MYRF: variants seen among roughly 807,000 people sequenced by gnomAD.
MYRF encodes myelin gene regulatory factor.
MYRF carries 16 observed loss-of-function variants against 126.3 expected under a neutral mutation model. The observed-to-expected ratio is 0.13, with a 90% CI of 0.09 to 0.19. The LOEUF (loss-of-function observed/expected upper bound fraction) is 0.19, where lower values mean the gene tolerates loss of function less well. Ranked by LOEUF, MYRF falls within the 10% of genes least tolerant of loss-of-function variation. The pLI is 1.00. For synonymous variants in MYRF, 608 were observed against 635.3 expected (o/e 0.96, Z 0.65); for missense variants, 1,104 against 1,547.0 (o/e 0.71, Z 4.80).
intron 3 of MYRF, chr11:61,767,458 C>A: frequency 2.2e-6 from 1 of 456,368 alleles, no homozygotes. Flanking sequence ...TTGTCCAGAG[C>A]CACACAGGGA....
chr11:61,777,618 C>A lies in MYRF; in HGVS notation c.1792-116C>A. 1 of 1,298,104 alleles carries A rather than the reference C, an allele frequency of 7.7e-7. No homozygotes were observed. The highest frequency in any genetic ancestry group is 1.1e-6 in the Non-Finnish European group (1 of 934,240). 80.4% of individuals were successfully genotyped at this position (1,298,104 alleles called of 1,614,324 possible). ...GCCTCGAATCCCGATCTAACCACTC[C>A]AGTGGTGGGGTCTCCTCTCCACACT... On this transcript the variant is annotated intron_variant, in intron 12 of 26. Transcript: ENST00000278836. The surrounding 1 kb of genome is among the most constrained non-coding windows in gnomAD (Gnocchi z 8.8).
chr11:61,778,496 G>T lies in MYRF; in HGVS notation c.2013+7G>T. 6.2e-7 allele frequency: 1 copy of T among 1,606,350 alleles called. No individual in the cohort carries two copies. The highest frequency in any genetic ancestry group is 8.5e-7 in the Non-Finnish European group (1 of 1,173,056). Reference sequence around the variant, plus strand: ...CTTCCTGGTGGTGAACAAGGTCTGTGGGTGGGGGAATGGGAGGGAGCCCAG... The same window carrying T: ...CTTCCTGGTGGTGAACAAGGTCTGTTGGTGGGGGAATGGGAGGGAGCCCAG... On this transcript the variant is annotated splice_region_variant and intron_variant, in intron 14 of 26. Transcript: ENST00000278836. This position sits in a 1 kb window ranked among gnomAD's most constrained non-coding sequence, Gnocchi z 4.6.
chr11:61,753,719 C>G (rs774361905), intron 1 of MYRF, among the ~76,000 whole-genome samples: 2 of 152,148 alleles, frequency 1.3e-5, no homozygotes, highest in Non-Finnish European at 2.9e-5. Flanking sequence ...CTTCTGCCCC[C>G]ACCCCTACAT....
chr11:61,782,072 C>T (rs1222199546), intron 22 of MYRF: 2 of 473,978 alleles, frequency 4.2e-6, no homozygotes, highest in South Asian at 5.5e-5. Context: ...GGGATGGAGA[C>T]TAAGGTGAAG....
At chr11:61,760,696 G>T (rs986165364) in intron 1 of MYRF, among the ~76,000 whole-genome samples, 1 of 152,172 alleles carries the variant, frequency 6.6e-6, no homozygotes, top group African/African-American at 2.4e-5. Flanking sequence ...CCTGACTGCG[G>T]AATGGCCTCC....
In MYRF at chr11:61,776,014, G is replaced by A; in HGVS notation, c.1312-42G>A. Reference sequence around the variant, plus strand: ...GGGGGCAGGAGGGCAGGACCAGCCGGGTAGCCCCATCCTGAGGTGCCACTG... The same window carrying A: ...GGGGGCAGGAGGGCAGGACCAGCCGAGTAGCCCCATCCTGAGGTGCCACTG... On this transcript the variant is annotated intron_variant, in intron 8 of 26. Coordinates refer to ENST00000278836, the MANE Select transcript of MYRF (RefSeq NM_001127392.3). The surrounding 1 kb of genome is among the most constrained non-coding windows in gnomAD (Gnocchi z 4.3). The A allele has an allele frequency of 1.9e-6, 3 of 1,598,864 alleles. No homozygotes were observed. The highest frequency in any genetic ancestry group is 1.7e-6 in the Non-Finnish European group (2 of 1,166,614).
At chr11:61,775,337 C>T (rs2066346831) in intron 8 of MYRF, among the ~76,000 whole-genome samples, 1 of 152,234 alleles carries the variant, frequency 6.6e-6, no homozygotes, top group Non-Finnish European at 1.5e-5. Context: ...CCCCCGCCCT[C>T]CACCCTGTGG....
intron 3 of MYRF, chr11:61,768,696 A>C (rs555681126): frequency 7.0e-4 from 107 of 152,414 alleles, no homozygotes; most frequent in African/African-American, 2.3e-3. Flanking sequence ...TTGCTGGGTG[A>C]GCACAGGGTT....
At chr11:61,753,374 G>T (rs758083561) in intron 1 of MYRF, among the ~76,000 whole-genome samples, 1 of 151,786 alleles carries the variant, frequency 6.6e-6, no homozygotes, top group African/African-American at 2.4e-5. Context: ...GACCACTTTC[G>T]AGCCTGGATC....
chr11:61,753,353 C>T (rs2065658496), intron 1 of MYRF, among the ~76,000 whole-genome samples: 1 of 152,000 alleles, frequency 6.6e-6, no homozygotes, highest in Non-Finnish European at 1.5e-5. Context: ...ACTGTGCTTC[C>T]ATGAGGGTAG....
intron 5 of MYRF, among the ~76,000 whole-genome samples, chr11:61,771,253 A>T (rs1336444927): frequency 6.6e-6 from 1 of 152,174 alleles, no homozygotes; most frequent in Non-Finnish European, 1.5e-5. Flanking sequence ...CATGATGGAG[A>T]CACCAAGTCA....
In MYRF at chr11:61,774,083, T is replaced by C; in HGVS notation, c.1232T>C (p.Leu411Pro). 1 of 1,613,862 alleles carries C rather than the reference T, an allele frequency of 6.2e-7. No individual in the cohort carries two copies. Among genetic ancestry groups the C allele is most frequent in the Non-Finnish European group, 8.5e-7 (1 of 1,179,974 alleles). The change falls in exon 8 of 27, where the codon CTG becomes CCG. Residue 411 changes from leucine to proline, a missense_variant. This residue lies in a region of MYRF where 36 missense variants were observed against 47.5 expected (regional missense o/e 0.76). Coordinates refer to ENST00000278836, the MANE Select transcript of MYRF (RefSeq NM_001127392.3). ...HFQVTVYIGM[L>P]GEPKYVKTPE... Reference sequence around the variant, plus strand: ...CAGGTGACAGTGTACATCGGCATGCTGGGCGAGCCCAAGTACGTCAAGACG... The same window carrying C: ...CAGGTGACAGTGTACATCGGCATGCCGGGCGAGCCCAAGTACGTCAAGACG...
chr11:61,758,785 G>A (rs188141832), intron 1 of MYRF, among the ~76,000 whole-genome samples: 222 of 152,330 alleles, frequency 1.5e-3, no homozygotes, highest in Admixed American at 1.9e-3. Context: ...AGCTCCATGT[G>A]GGCAAGGCTT....
Position 61,778,600 on chromosome 11 carries a change from C to A in MYRF, c.2013+111C>A. 1.2e-6 allele frequency: 1 copy of A among 809,486 alleles called. No individual in the cohort carries two copies. Among genetic ancestry groups the A allele is most frequent in the Non-Finnish European group, 2.1e-6 (1 of 469,618 alleles). 50.1% of individuals were successfully genotyped at this position (809,486 alleles called of 1,614,324 possible). On this transcript the variant is annotated intron_variant, in intron 14 of 26. Transcript: ENST00000278836. The surrounding 1 kb of genome is among the most constrained non-coding windows in gnomAD (Gnocchi z 4.6). ...GCACTGCAAAGCAGAGGCAGGAGCA[C>A]CCTCGGCTCTCATGCTGCCTCCAGA...
chr11:61,754,542 T>TC (rs2065690236), intron 1 of MYRF: 1 of 152,156 alleles, frequency 6.6e-6, no homozygotes, highest in African/African-American at 2.4e-5. Context: ...CAGGCCAGGC[T>TC]CCCTTGACCT....
At chr11:61,770,971 C>T (rs1020285416) in intron 5 of MYRF, among the ~76,000 whole-genome samples, 1 of 152,222 alleles carries the variant, frequency 6.6e-6, no homozygotes, top group Non-Finnish European at 1.5e-5. Context: ...ATCTGTTTTA[C>T]ATGTGGAGAT....
rs767149841 is a variant in MYRF, at chr11:61,786,049, G to C, written c.3376-14G>C. 3 of 1,613,998 alleles carry C rather than the reference G, an allele frequency of 1.9e-6. No individual in the cohort carries two copies. Among genetic ancestry groups the C allele is most frequent in the Non-Finnish European group, 2.5e-6 (3 of 1,179,864 alleles). The stretch of plus-strand genomic sequence containing the variant: ...CCCAGAGCCACCTCACCTTCCCACT[G>C]CCCTTCCACCCAGGGTCAGGCCAAC... On this transcript the variant is annotated splice_polypyrimidine_tract_variant and intron_variant, in intron 26 of 26. Transcript: ENST00000278836. The surrounding 1 kb of genome is among the most constrained non-coding windows in gnomAD (Gnocchi z 4.5).
chr11:61,773,385 G>C (rs951029106), intron 7 of MYRF, among the ~76,000 whole-genome samples: 8 of 152,202 alleles, frequency 5.3e-5, no homozygotes, highest in African/African-American at 1.9e-4. Context: ...CTGAGTCTGA[G>C]GGAGAGTCCA....
At position 61,776,480 on chromosome 11, in the gene MYRF, G is replaced by GTGTCTTCCTGCCTCA; in HGVS notation, c.1499+48_1499+49insTGTCTTCCTGCCTCA. ...CCGGAGCCCCTCCATTTCTGAGGCA[G>GTGTCTTCCTGCCTCA]GAAGACACTGCCCTGGGTGGCACAC... On this transcript the variant is annotated intron_variant, in intron 10 of 26. Coordinates refer to ENST00000278836, the MANE Select transcript of MYRF (RefSeq NM_001127392.3). This position sits in a 1 kb window ranked among gnomAD's most constrained non-coding sequence, Gnocchi z 4.3. 1 of 1,517,882 alleles carries GTGTCTTCCTGCCTCA rather than the reference G, an allele frequency of 6.6e-7. No individual in the cohort carries two copies. Among genetic ancestry groups the GTGTCTTCCTGCCTCA allele is most frequent in the Non-Finnish European group, 9.0e-7 (1 of 1,106,202 alleles). The allele number at this position is 1,517,882 out of a possible 1,614,324, so 94.0% of individuals were successfully genotyped here. A position where few individuals can be genotyped will look rare whatever the true frequency, so the allele number is the denominator to read the frequency against.
Sources: gnomAD v4.1 joint callset for allele counts (sites outside exome capture counted in the v4.1 genomes callset) on GRCh38, gnomAD v4.1.1 for gene constraint, gnomAD v4.1.1 regional missense constraint, Gnocchi (gnomAD v3.1) non-coding constraint, MANE v1.5 for transcripts, NCBI Gene and HGNC (gene_info 2026-07-23, HGNC 2026-07-21) for gene names.